Variants in LDB3 observed in about 807,000 individuals in gnomAD.
LDB3 encodes the protein LIM domain binding 3.
Under a neutral mutation model 69.0 loss-of-function variants are expected in LDB3, and 49 were observed. That is an observed-to-expected ratio of 0.71 (90% CI 0.56 to 0.90). LDB3 has a LOEUF of 0.90. Among genes scored for constraint, LDB3 ranks in the 40% least tolerant of loss-of-function variants. The probability of loss-of-function intolerance (pLI) is 0.00; values close to 1 mark genes in which losing one functional copy is unlikely to be tolerated. For synonymous variants in LDB3, 387 were observed against 396.2 expected, an observed-to-expected ratio of 0.98 and a Z score of 0.28; for missense variants, 928 against 974.1, an observed-to-expected ratio of 0.95 and a Z score of 0.63.
At position 86,699,530 on chromosome 10, in the gene LDB3, C is replaced by T. The variant is rs139415121; in HGVS notation, c.896+6959C>T. On this transcript the variant is annotated intron_variant, in intron 7 of 13. Coordinates refer to ENST00000361373, the MANE Select transcript of LDB3 (RefSeq NM_007078.3). This position sits in a 1 kb window ranked among gnomAD's most constrained non-coding sequence, Gnocchi z 4.9. Reference sequence around the variant, plus strand: ...CAACCGCAGCATTTCTGTCCTCTGCCCACCCCAGAGCTGATGCTGGGGCCC... The same window carrying T: ...CAACCGCAGCATTTCTGTCCTCTGCTCACCCCAGAGCTGATGCTGGGGCCC... 2,449 of 1,500,806 alleles carry T rather than the reference C, an allele frequency of 1.6e-3. 34 individuals are homozygous for T. The African/African-American group carries it at 0.031, about 19-fold the overall frequency. 93.0% of individuals were successfully genotyped at this position (1,500,806 alleles called of 1,614,324 possible).
chr10:86,679,486 T>C lies in LDB3; in HGVS notation c.213T>C (p.Ser71=). 1 of 1,614,078 alleles carries C rather than the reference T, an allele frequency of 6.2e-7. No individual in the cohort carries two copies. Among genetic ancestry groups the C allele is most frequent in the Non-Finnish European group, 8.5e-7 (1 of 1,180,028 alleles). The part of the protein sequence containing the change: ...THLEAQNKIK[S]ASYNLSLTLQ... The stretch of plus-strand genomic sequence containing the variant: ...TGGAAGCCCAGAACAAGATCAAGTC[T>C]GCCAGCTACAACTTGAGCCTCACCC... The change falls in exon 3 of 14, where the codon TCT becomes TCC. Residue 71 remains serine, a synonymous_variant. Coordinates refer to ENST00000361373, the MANE Select transcript of LDB3 (RefSeq NM_007078.3).
At position 86,675,060 on chromosome 10, in the gene LDB3, A is replaced by C. The variant is rs1358764226; in HGVS notation, c.94-4307A>C. ...CAAAGGCCAGGCCAGCTGAGCCCTG[A>C]CAAGCAGACACAGCTGCAGGGGAGA... On this transcript the variant is annotated intron_variant, in intron 2 of 13. Coordinates refer to ENST00000361373, the MANE Select transcript of LDB3 (RefSeq NM_007078.3). 3.3e-5 allele frequency among the ~76,000 whole-genome samples: 5 copies of C among 152,286 alleles called. No individual in the cohort carries two copies. In the East Asian group the frequency reaches 9.7e-4, roughly 30 times the overall value.
At chr10:86,676,286 G>T (rs1451691647) in intron 2 of LDB3, among the ~76,000 whole-genome samples, 2 of 151,954 alleles carry the variant, frequency 1.3e-5, no homozygotes, top group Admixed American at 6.6e-5. Flanking sequence ...CCACAGGCTG[G>T]GTGTGGTGGC....
At chr10:86,681,164 G>A (rs772999276) in intron 4 of LDB3, among the ~76,000 whole-genome samples, 3 of 152,228 alleles carry the variant, frequency 2.0e-5, no homozygotes, top group Admixed American at 1.3e-4. Context: ...CCACTTCCTC[G>A]GGCCCTGGGG....
intron 5 of LDB3, among the ~76,000 whole-genome samples, chr10:86,688,038 TC>T (rs919225662): frequency 7.5e-5 from 8 of 107,142 alleles, no homozygotes; most frequent in Non-Finnish European, 1.5e-4. Context: ...TGTCTCTCCC[TC>T]CCCCGACCCT....
chr10:86,676,656 G>C (rs1190304225), intron 2 of LDB3, among the ~76,000 whole-genome samples: 1 of 152,076 alleles, frequency 6.6e-6, no homozygotes, highest in African/African-American at 2.4e-5. Flanking sequence ...GGAGAGGGCT[G>C]TCCTGGTCTT....
chr10:86,688,396 C>A (rs1845605181), intron 5 of LDB3, among the ~76,000 whole-genome samples: 1 of 152,122 alleles, frequency 6.6e-6, no homozygotes, highest in African/African-American at 2.4e-5. Context: ...GGGCAGGCTC[C>A]CCAGCCCCAA....
Position 86,668,540 on chromosome 10 carries a change from C to A in LDB3, c.-54C>A. ...TTAGGAGCCTCTCAAGAGCTCCACG[C>A]AGCCCGGCTGGGCAGCAAGGGACAG... On this transcript the variant is annotated 5_prime_UTR_variant, in exon 1 of 14. Coordinates refer to ENST00000361373, the MANE Select transcript of LDB3 (RefSeq NM_007078.3). 1 of 723,064 alleles carries A rather than the reference C, an allele frequency of 1.4e-6. No individual in the cohort carries two copies. Among genetic ancestry groups the A allele is most frequent in the Non-Finnish European group, 2.5e-6 (1 of 396,746 alleles). The allele number at this position is 723,064 out of a possible 1,614,324, so 44.8% of individuals were successfully genotyped here.
Position 86,679,430 on chromosome 10 carries a change from G to A in LDB3, c.157G>A (p.Asp53Asn), listed in dbSNP as rs2132360328. The A allele has an allele frequency of 6.2e-7, 1 of 1,614,166 alleles. No homozygotes were observed. The highest frequency in any genetic ancestry group is 8.5e-7 in the Non-Finnish European group (1 of 1,180,028). Residue 53 changes from aspartate to asparagine, a missense_variant, in exon 3 of 14, where the codon GAC (aspartate) becomes AAC (asparagine). Physicochemically the swap from Asp to Asn is conservative, Grantham distance 23. Coordinates refer to ENST00000361373, the MANE Select transcript of LDB3 (RefSeq NM_007078.3). ...CCAGGGTGACCTCGTGGTGGCCATT[G>A]ACGGCGTCAACACAGACACCATGAC... ...LSQGDLVVAI[D>N]GVNTDTMTHL...
chr10:86,718,493 G>A (rs958223694), intron 11 of LDB3, among the ~76,000 whole-genome samples: 1 of 152,186 alleles, frequency 6.6e-6, no homozygotes, highest in Non-Finnish European at 1.5e-5. Flanking sequence ...GGTTTAATGG[G>A]AGGATTAAGC....
intron 7 of LDB3, among the ~76,000 whole-genome samples, chr10:86,695,652 G>A (rs891526689): frequency 6.6e-6 from 1 of 152,186 alleles, no homozygotes; most frequent in African/African-American, 2.4e-5. Context: ...AGTTTCCATC[G>A]GAGGTAGCTG....
intron 5 of LDB3, chr10:86,685,638 TC>T: frequency 6.2e-7 from 1 of 1,613,056 alleles, no homozygotes; most frequent in Non-Finnish European, 8.5e-7. Context: ...GTGGAGCCTC[TC>T]TCTGACCACC....
At chr10:86,714,122 C>T (rs904488662) in intron 9 of LDB3, among the ~76,000 whole-genome samples, 33 of 152,182 alleles carry the variant, frequency 2.2e-4, no homozygotes, top group Admixed American at 1.3e-4. Flanking sequence ...TCCCTTAATC[C>T]TCATAATAAC....
At position 86,729,609 on chromosome 10, in the gene LDB3, C is replaced by T. The variant is rs574538953; in HGVS notation, c.2095-3278C>T. ...GCCCTGATGTCACCCAGCCACAGAG[C>T]CTGGGGGTTGGACCATCCCTGTTGC... On this transcript the variant is annotated intron_variant, in intron 13 of 13. Coordinates refer to ENST00000361373, the MANE Select transcript of LDB3 (RefSeq NM_007078.3). Among the ~76,000 whole-genome samples the T allele has an allele frequency of 3.5e-4, 54 of 152,310 alleles. No individual in the cohort carries two copies. The South Asian group carries it at 0.011, about 31-fold the overall frequency.
chr10:86,717,658 G>A (rs1468506651), intron 10 of LDB3, among the ~76,000 whole-genome samples: 1 of 152,188 alleles, frequency 6.6e-6, no homozygotes, highest in Non-Finnish European at 1.5e-5. Context: ...ATAAATGTTA[G>A]CCATCAGCAT....
At chr10:86,698,755 G>C (rs866321548) in intron 7 of LDB3, among the ~76,000 whole-genome samples, 38 of 152,292 alleles carry the variant, frequency 2.5e-4, no homozygotes, top group South Asian at 4.1e-4. Flanking sequence ...GAGGCTTTTC[G>C]AGGCCAGGGC....
intron 5 of LDB3, among the ~76,000 whole-genome samples, chr10:86,687,733 A>G (rs1845564661): frequency 6.6e-6 from 1 of 152,194 alleles, no homozygotes. Context: ...GCGACCAACC[A>G]TCCACACTAC....
chr10:86,679,409 G>C lies in LDB3; in HGVS notation c.136G>C (p.Gly46Arg). 2 of 1,614,178 alleles carry C rather than the reference G, an allele frequency of 1.2e-6. No homozygotes were observed. Among genetic ancestry groups the C allele is most frequent in the South Asian group, 2.2e-5 (2 of 91,088 alleles). ...GGCAGCCCAGTCCCAGCTCAGCCAG[G>C]GTGACCTCGTGGTGGCCATTGACGG... ...SKAAQSQLSQ[G>R]DLVVAIDGVN... The change falls in exon 3 of 14, where the codon GGT becomes CGT. Residue 46 changes from glycine to arginine, a missense_variant. Physicochemically the swap from Gly to Arg is moderately radical, Grantham distance 125. Transcript: ENST00000361373.
chr10:86,671,685 G>C (rs888260081), intron 2 of LDB3, among the ~76,000 whole-genome samples: 5 of 152,154 alleles, frequency 3.3e-5, no homozygotes, highest in Non-Finnish European at 7.3e-5. Context: ...TGTGGTCTGG[G>C]GTCTCACCTC....
Sources: gnomAD v4.1 joint callset for allele counts (sites outside exome capture counted in the v4.1 genomes callset) on GRCh38, gnomAD v4.1.1 for gene constraint, Gnocchi (gnomAD v3.1) non-coding constraint, MANE v1.5 for transcripts, NCBI Gene and HGNC (gene_info 2026-07-23, HGNC 2026-07-21) for gene names.